ATP10D: variants seen among roughly 807,000 people sequenced by gnomAD.
The protein encoded by ATP10D is phospholipid-transporting ATPase VD.
A neutral mutation model predicts 144.8 loss-of-function variants in ATP10D; 89 were observed. The ratio of observed to expected loss-of-function variants is 0.61; its 90% CI spans 0.52 to 0.73. ATP10D has a LOEUF of 0.73. Ranked by LOEUF, ATP10D falls within the 30% of genes least tolerant of loss-of-function variation. The pLI, the probability that ATP10D is intolerant of heterozygous loss-of-function variation, is 0.00. For synonymous variants in ATP10D, 571 were observed against 615.1 expected, an observed-to-expected ratio of 0.93 and a Z score of 1.06; for missense variants, 1,603 against 1,714.8, an observed-to-expected ratio of 0.93 and a Z score of 1.15.
At chr4:47,511,866 C>T (rs2109399823) in intron 1 of ATP10D, among the ~76,000 whole-genome samples, 1 of 152,220 alleles carries the variant, frequency 6.6e-6, no homozygotes, top group African/African-American at 2.4e-5. Flanking sequence ...TACAGTGGTT[C>T]CTAGAACAGT....
rs143618340 is a variant in ATP10D at position 47,512,643 on chromosome 4, G to A, written c.103G>A (p.Ala35Thr). ...SGPYNYSSLL[A>T]CGRKSSQTPK... ...GCCATACAACTATTCCTCGTTGCTCGCCTGTGGGCGCAAGTCCTCTCAGAC... is the reference window on the plus strand; with the variant it reads ...GCCATACAACTATTCCTCGTTGCTCACCTGTGGGCGCAAGTCCTCTCAGAC... Residue 35 changes from alanine to threonine, a missense_variant, in exon 2 of 23, where the codon GCC becomes ACC. Coordinates refer to ENST00000273859, the MANE Select transcript of ATP10D (RefSeq NM_020453.4). 5.5e-5 allele frequency: 88 copies of A among 1,614,110 alleles called. No individual in the cohort carries two copies. The highest frequency in any genetic ancestry group is 7.7e-5 in the South Asian group (7 of 91,080).
chr4:47,497,047 G>A (rs994204760), intron 1 of ATP10D, among the ~76,000 whole-genome samples: 8 of 152,190 alleles, frequency 5.3e-5, no homozygotes, highest in Admixed American at 2.0e-4. Context: ...CACCACATTG[G>A]CCAGGCTTGT....
rs1721063815 is a variant in ATP10D at position 47,591,794 on chromosome 4, T to TA, written c.*414dup. The TA allele has an allele frequency of 6.5e-6, 1 of 154,508 alleles. No homozygotes were observed. The highest frequency in any genetic ancestry group is 1.9e-4 in the East Asian group (1 of 5,234). The allele number at this position is 154,508 out of a possible 1,614,324, so 9.6% of individuals were successfully genotyped here. A position where few individuals can be genotyped will look rare whatever the true frequency, so the allele number is the denominator to read the frequency against. ...TTTTTAAGAAAAAAGTAGTTTTTAA[T>TA]ACATTGGTTAGGACTCAGAGGAAAT... On this transcript the variant is annotated 3_prime_UTR_variant, in exon 23 of 23. Coordinates refer to ENST00000273859, the MANE Select transcript of ATP10D (RefSeq NM_020453.4).
intron 11 of ATP10D, among the ~76,000 whole-genome samples, chr4:47,557,293 G>A (rs557820458): frequency 4.9e-4 from 75 of 151,616 alleles, no homozygotes; most frequent in African/African-American, 1.8e-3. Flanking sequence ...TATTTCTTTA[G>A]AAAAAAAATT....
At chr4:47,494,209 A>G (rs968655807) in intron 1 of ATP10D, among the ~76,000 whole-genome samples, 6 of 152,180 alleles carry the variant, frequency 3.9e-5, no homozygotes, top group African/African-American at 9.7e-5. Context: ...ATAAGGGAAA[A>G]AGAGTAAGAC....
chr4:47,526,361 G>T (rs1402160598), intron 5 of ATP10D, among the ~76,000 whole-genome samples: 1 of 152,114 alleles, frequency 6.6e-6, no homozygotes, highest in Non-Finnish European at 1.5e-5. Context: ...TGTAGAAAAA[G>T]CATCTTACAA....
At position 47,512,592 on chromosome 4, in the gene ATP10D, G is replaced by C. The variant is rs766357970; in HGVS notation, c.52G>C (p.Gly18Arg). The C allele has an allele frequency of 6.2e-7, 1 of 1,614,146 alleles. No homozygotes were observed. Among genetic ancestry groups the C allele is most frequent in the Non-Finnish European group, 8.5e-7 (1 of 1,180,018 alleles). ...ATATCACTGGCGACGGCTGATCAGA[G>C]GTGCAACCAGGGATGATGATTCAGG... ...ARYHWRRLIR[G>R]ATRDDDSGPY... Residue 18 changes from glycine (G) to arginine (R), a missense_variant, in exon 2 of 23, where the codon GGT (glycine) becomes CGT (arginine). Gly to Arg is a moderately radical substitution (Grantham distance 125, BLOSUM62 -2). Coordinates refer to ENST00000273859, the MANE Select transcript of ATP10D (RefSeq NM_020453.4).
chr4:47,543,817 G>C (rs1387842458), intron 9 of ATP10D, among the ~76,000 whole-genome samples: 1 of 144,282 alleles, frequency 6.9e-6, no homozygotes, highest in Non-Finnish European at 1.5e-5. Context: ...AAAGGAAATA[G>C]GTATACATAT....
At chr4:47,485,948 T>A (rs1380874068) in intron 1 of ATP10D, among the ~76,000 whole-genome samples, 2 of 152,182 alleles carry the variant, frequency 1.3e-5, no homozygotes, top group Non-Finnish European at 2.9e-5. Flanking sequence ...AAATTTTGGT[T>A]ATCTGCCTCA....
At chr4:47,530,638 T>C (rs1356514112) in intron 5 of ATP10D, among the ~76,000 whole-genome samples, 1 of 152,104 alleles carries the variant, frequency 6.6e-6, no homozygotes, top group Non-Finnish European at 1.5e-5. Flanking sequence ...GTATTTTTAG[T>C]AGAGATGAGG....
intron 1 of ATP10D, among the ~76,000 whole-genome samples, chr4:47,503,161 C>T (rs1162921138): frequency 6.6e-6 from 1 of 152,134 alleles, no homozygotes; most frequent in Non-Finnish European, 1.5e-5. Flanking sequence ...GAGACCGGAC[C>T]ACTGCACTCC....
At chr4:47,486,758 CTT>C (rs1428366386) in intron 1 of ATP10D, among the ~76,000 whole-genome samples, 6 of 152,094 alleles carry the variant, frequency 3.9e-5, no homozygotes, top group Non-Finnish European at 7.4e-5. Flanking sequence ...GGAAAAATAA[CTT>C]AGCAACATTT....
At chr4:47,542,626 C>CGT (rs1718200980) in intron 9 of ATP10D, among the ~76,000 whole-genome samples, 1 of 151,732 alleles carries the variant, frequency 6.6e-6, no homozygotes, top group Non-Finnish European at 1.5e-5. Context: ...TACAGGTGCC[C>CGT]GCCACCACAC....
At chr4:47,501,582 GTGTTACTGCCC>G (rs1418050592) in intron 1 of ATP10D, among the ~76,000 whole-genome samples, 1 of 152,078 alleles carries the variant, frequency 6.6e-6, no homozygotes, top group Non-Finnish European at 1.5e-5. Context: ...TCTTATTCAA[GTGTTACTGCCC>G]TGTATCAGAG....
chr4:47,568,585 G>T (rs975055737), intron 15 of ATP10D, among the ~76,000 whole-genome samples: 2 of 152,302 alleles, frequency 1.3e-5, no homozygotes, highest in African/African-American at 4.8e-5. Flanking sequence ...AAGGCAAATT[G>T]CACACATGAA....
intron 10 of ATP10D, chr4:47,547,075 T>C (rs1718480896): frequency 1.8e-6 from 1 of 566,906 alleles, no homozygotes. Context: ...TGTTGAGAGG[T>C]AGTATACCAT....
chr4:47,523,028 A>G lies in ATP10D; in HGVS notation c.502A>G (p.Ile168Val), dbSNP rs1717034854. Residue 168 changes from isoleucine to valine, a missense_variant, in exon 4 of 23, where the codon ATT (isoleucine) becomes GTT (valine). By Grantham distance (29) the Ile-to-Val change is conservative. Transcript: ENST00000273859. ...KVYSRKEKKY[I>V]DRCWKDVTVG... ...TAATTACAGGAAAGAGAAAAAATACATTGACCGATGCTGGAAAGACGTTAC... is the reference window on the plus strand; with the variant it reads ...TAATTACAGGAAAGAGAAAAAATACGTTGACCGATGCTGGAAAGACGTTAC... The G allele has an allele frequency of 1.9e-6, 3 of 1,610,910 alleles. No individual in the cohort carries two copies. Among genetic ancestry groups the G allele is most frequent in the Non-Finnish European group, 2.5e-6 (3 of 1,178,274 alleles).
chr4:47,538,493 C>T (rs1200820153), intron 9 of ATP10D, among the ~76,000 whole-genome samples: 1 of 152,194 alleles, frequency 6.6e-6, no homozygotes, highest in African/African-American at 2.4e-5. Context: ...TTTTCTATCA[C>T]TGCATAACAA....
chr4:47,540,945 A>C (rs575119866), intron 9 of ATP10D, among the ~76,000 whole-genome samples: 5 of 152,306 alleles, frequency 3.3e-5, no homozygotes, highest in Admixed American at 6.5e-5. Flanking sequence ...TATGATGCAC[A>C]ATTTGTGAAT....
Sources: allele counts gnomAD v4.1 joint callset (sites outside exome capture counted in the v4.1 genomes callset), GRCh38; gene constraint gnomAD v4.1.1; transcripts MANE v1.5; gene names NCBI Gene and HGNC (gene_info 2026-07-23, HGNC 2026-07-21).